The following PTPRQ variants were observed in gnomAD, a reference collection of about 807,000 sequenced individuals.
PTPRQ encodes protein tyrosine phosphatase receptor type Q.
In PTPRQ, 199 loss-of-function variants were observed where a neutral mutation model predicts 246.0. The ratio of observed to expected loss-of-function variants is 0.81; its 90% CI spans 0.72 to 0.91. The LOEUF (loss-of-function observed/expected upper bound fraction) is 0.91, where lower values mean the gene tolerates loss of function less well. PTPRQ is among the 40% of genes least tolerant of loss of function. The pLI is 0.00. For missense variants in PTPRQ, 2,624 were observed against 2,528.4 expected, an observed-to-expected ratio of 1.04 and a Z score of -0.81; for synonymous variants, 869 against 853.2, an observed-to-expected ratio of 1.02 and a Z score of -0.32.
chr12:80,638,376 C>G (rs1899736419), intron 35 of PTPRQ, among the ~76,000 whole-genome samples: 1 of 151,706 alleles, frequency 6.6e-6, no homozygotes. Context: ...AAATTGAGCT[C>G]ATAACTTTTC....
At chr12:80,574,935 T>C (rs532644841) in intron 25 of PTPRQ, among the ~76,000 whole-genome samples, 180 of 152,344 alleles carry the variant, frequency 1.2e-3, no homozygotes, top group African/African-American at 4.2e-3. Flanking sequence ...CTCCTCTGTT[T>C]CCAACTACTT....
In PTPRQ at chr12:80,643,438, C is replaced by CA. The variant is rs75925292; in HGVS notation, c.5916-5445dup. Among the ~76,000 whole-genome samples, 1,118 of 120,658 alleles carry CA rather than the reference C, an allele frequency of 9.3e-3. 6 individuals are homozygous for CA. Among genetic ancestry groups the CA allele is most frequent in the African/African-American group, 0.013 (427 of 34,058 alleles). The allele number at this position is 120,658 out of a possible 152,430, so 79.2% of individuals were successfully genotyped here. ...GGGCAACAATCGTGAAATCCCATCT[C>CA]AAAAAAAAAAAAAAGGAAGTATTCT... On this transcript the variant is annotated intron_variant, in intron 35 of 44. Transcript: ENST00000644991.
chr12:80,606,751 T>G (rs1281615059), intron 27 of PTPRQ, among the ~76,000 whole-genome samples: 1 of 150,994 alleles, frequency 6.6e-6, no homozygotes, highest in Admixed American at 6.6e-5. Context: ...TGTTGATGTA[T>G]TTGTTCTCCA....
In PTPRQ at chr12:80,656,124, A is replaced by T. The variant is rs73353328; in HGVS notation, c.6116-1861A>T. 7.9e-3 allele frequency among the ~76,000 whole-genome samples: 1,204 copies of T among 152,294 alleles called. 15 individuals carry two copies. Among genetic ancestry groups the T allele is most frequent in the African/African-American group, 0.027 (1,124 of 41,570 alleles). ...ACTAGTTACAATGTCATTAAACTAG[A>T]TCATATAAAATTCTATATTTGGGAC... On this transcript the variant is annotated intron_variant, in intron 38 of 44. Coordinates refer to ENST00000644991, the MANE Select transcript of PTPRQ (RefSeq NM_001145026.2).
chr12:80,620,490 AT>A (rs1358156686), intron 32 of PTPRQ, 114 bp downstream of exon 32: 16 of 1,415,550 alleles, frequency 1.1e-5, no homozygotes, highest in African/African-American at 1.5e-5. Flanking sequence ...TCCGCCACGT[AT>A]AGTGACCTGA....
intron 25 of PTPRQ, among the ~76,000 whole-genome samples, chr12:80,569,764 G>A (rs1011570508): frequency 4.0e-5 from 6 of 149,454 alleles, no homozygotes; most frequent in African/African-American, 1.5e-4. Flanking sequence ...AGGCCCCAGT[G>A]TGTGATATTC....
chr12:80,569,907 T>C (rs1371690139), intron 25 of PTPRQ, among the ~76,000 whole-genome samples: 2 of 152,204 alleles, frequency 1.3e-5, no homozygotes, highest in Non-Finnish European at 2.9e-5. Context: ...GCAAAGGACA[T>C]GAACTCATTC....
intron 25 of PTPRQ, among the ~76,000 whole-genome samples, chr12:80,559,865 CT>C (rs747049191): frequency 2.0e-5 from 3 of 152,058 alleles, no homozygotes; most frequent in Non-Finnish European, 4.4e-5. Flanking sequence ...AAATCTGGTC[CT>C]GAATAAGTCA....
rs1280464338 is a variant in PTPRQ at position 80,483,267 on chromosome 12, A to G, written c.1187-1166A>G. Among the ~76,000 whole-genome samples, 1,127 of 141,114 alleles carry G rather than the reference A, an allele frequency of 8.0e-3. 13 individuals are homozygous for G. The highest frequency in any genetic ancestry group is 0.029 in the African/African-American group (1,073 of 37,612). 92.6% of individuals were successfully genotyped at this position (141,114 alleles called of 152,430 possible). On this transcript the variant is annotated intron_variant, in intron 8 of 44. Coordinates refer to ENST00000644991, the MANE Select transcript of PTPRQ (RefSeq NM_001145026.2). The stretch of plus-strand genomic sequence containing the variant: ...TGGAAATCATCATTCTCAGTAAACT[A>G]TCGCAAGAACAAAAAACCAAACGCC...
intron 32 of PTPRQ, 92 bp from the exon 33 acceptor site, chr12:80,621,969 A>C (rs1899008390): frequency 1.1e-6 from 1 of 904,896 alleles, no homozygotes; most frequent in Non-Finnish European, 1.5e-6. Context: ...CTTTTGAATT[A>C]AATAAATAGT....
At chr12:80,574,276 G>A (rs1643901441) in intron 25 of PTPRQ, among the ~76,000 whole-genome samples, 2 of 152,016 alleles carry the variant, frequency 1.3e-5, no homozygotes, top group Non-Finnish European at 2.9e-5. Context: ...TGAATTATTT[G>A]TATTGTATTT....
In PTPRQ at chr12:80,493,380, A is replaced by G. The variant is rs1238866753; in HGVS notation, c.1465A>G (p.Thr489Ala). 2.6e-6 allele frequency: 4 copies of G among 1,550,232 alleles called. No homozygotes were observed. In the South Asian group the frequency reaches 3.6e-5, roughly 14 times the overall value. Residue 489 changes from threonine (T) to alanine (A), a missense_variant, in exon 10 of 45, where the codon ACA (threonine) becomes GCA (alanine). Coordinates refer to ENST00000644991, the MANE Select transcript of PTPRQ (RefSeq NM_001145026.2). ...GTCGTCTGACCTTCACTCACTTGCT[A>G]CATTTATATATAACAGCCATCCAGA... ...EMSSDLHSLA[T>A]FIYNSHPDKN...
intron 38 of PTPRQ, among the ~76,000 whole-genome samples, chr12:80,657,484 A>G (rs143026860): frequency 3.4e-4 from 52 of 151,926 alleles, no homozygotes; most frequent in African/African-American, 1.2e-3. Flanking sequence ...CTGGTAGTAT[A>G]TTCTACAAGT....
At chr12:80,489,314 T>C (rs1421261863) in intron 9 of PTPRQ, among the ~76,000 whole-genome samples, 3 of 151,998 alleles carry the variant, frequency 2.0e-5, no homozygotes, top group Non-Finnish European at 4.4e-5. Context: ...CTGCTGTCAC[T>C]AGTTTTGTGA....
chr12:80,521,402 A>G (rs1428195035), intron 17 of PTPRQ, among the ~76,000 whole-genome samples: 1 of 152,138 alleles, frequency 6.6e-6, no homozygotes, highest in African/African-American at 2.4e-5. Flanking sequence ...TTTGGTTGCC[A>G]TTGCTTTTTG....
At chr12:80,625,469 T>G (rs1279400436) in intron 33 of PTPRQ, among the ~76,000 whole-genome samples, 1 of 152,160 alleles carries the variant, frequency 6.6e-6, no homozygotes, top group Non-Finnish European at 1.5e-5. Flanking sequence ...CTTTGGGATT[T>G]AAGAGCTTTT....
At chr12:80,600,466 A>G (rs1170178998) in intron 26 of PTPRQ, among the ~76,000 whole-genome samples, 1 of 151,808 alleles carries the variant, frequency 6.6e-6, no homozygotes, top group Non-Finnish European at 1.5e-5. Context: ...TGAGACCCGA[A>G]GAAGCCATTA....
intron 9 of PTPRQ, among the ~76,000 whole-genome samples, chr12:80,490,203 T>A (rs1414143261): frequency 6.6e-6 from 1 of 152,026 alleles, no homozygotes; most frequent in East Asian, 1.9e-4. Context: ...TAAAAAAATT[T>A]TTCTTTTTAC....
chr12:80,478,508 C>A (rs907395110), intron 8 of PTPRQ, among the ~76,000 whole-genome samples: 9 of 152,176 alleles, frequency 5.9e-5, no homozygotes, highest in Non-Finnish European at 1.2e-4. Context: ...TCCTCACCAG[C>A]AATGGAACAA....
Sources: allele counts gnomAD v4.1 joint callset (sites outside exome capture counted in the v4.1 genomes callset), GRCh38; gene constraint gnomAD v4.1.1; transcripts MANE v1.5; gene names NCBI Gene and HGNC (gene_info 2026-07-23, HGNC 2026-07-21).